MFHAS1: variants seen among roughly 807,000 people sequenced by gnomAD.
The protein encoded by MFHAS1 is malignant fibrous histiocytoma-amplified sequence 1.
MFHAS1 carries 50 observed loss-of-function variants against 70.4 expected under a neutral mutation model. The observed-to-expected ratio is 0.71, with a 90% CI of 0.57 to 0.90. The LOEUF is 0.90. MFHAS1 is among the 40% of genes least tolerant of loss of function. MFHAS1 has a pLI of 0.00. For missense variants in MFHAS1, 1,795 were observed against 1,347.6 expected (o/e 1.33, Z -5.20); for synonymous variants, 952 against 620.0 (o/e 1.54, Z -7.96).
chr8:8,805,631 G>A (rs13278030), intron 1 of MFHAS1, among the ~76,000 whole-genome samples: 138 of 152,246 alleles, frequency 9.1e-4, no homozygotes, highest in African/African-American at 3.2e-3. Flanking sequence ...GTTCAAACTC[G>A]TGTGTGTTCA....
At chr8:8,799,495 C>CCT (rs1806013901) in intron 1 of MFHAS1, among the ~76,000 whole-genome samples, 3 of 152,210 alleles carry the variant, frequency 2.0e-5, no homozygotes, top group Non-Finnish European at 2.9e-5. Context: ...GTGGTTCATG[C>CCT]CTCTAATCCC....
chr8:8,858,864 TAAC>T lies in MFHAS1; in HGVS notation c.2998+31194_2998+31196del, dbSNP rs536527457. 4.7e-3 allele frequency among the ~76,000 whole-genome samples: 716 copies of T among 152,218 alleles called. 6 individuals carry two copies. The highest frequency in any genetic ancestry group is 0.017 in the African/African-American group (697 of 41,546). ...GAAATAAACAAAGTGAAAATATCCG[TAAC>T]AACAAGGATAAAGCATTCTCAGTCA... is the stretch of plus-strand genomic sequence containing the variant. On this transcript the variant is annotated intron_variant, in intron 1 of 2. Transcript: ENST00000276282.
chr8:8,843,035 G>A (rs1465078107), intron 1 of MFHAS1, among the ~76,000 whole-genome samples: 1 of 152,136 alleles, frequency 6.6e-6, no homozygotes, highest in Non-Finnish European at 1.5e-5. Flanking sequence ...GGAGGCCGAG[G>A]CGGGTGGATC....
intron 1 of MFHAS1, among the ~76,000 whole-genome samples, chr8:8,822,726 G>A (rs1462284093): frequency 6.7e-6 from 1 of 150,158 alleles, no homozygotes; most frequent in East Asian, 2.0e-4. Flanking sequence ...CCAAGTCAGG[G>A]AGACTGAGAT....
chr8:8,877,328 G>T lies in MFHAS1; in HGVS notation c.2998+12733C>A, dbSNP rs1003438702. ...AAAAAAAAAAAAAAAAAACTACGGT[G>T]TTCCATTAATGCAAATTTAATAAAA... On this transcript the variant is annotated intron_variant, in intron 1 of 2. Transcript: ENST00000276282. 2.3e-4 allele frequency among the ~76,000 whole-genome samples: 24 copies of T among 103,592 alleles called. No individual in the cohort carries two copies. The South Asian group carries it at 7.7e-3, about 33-fold the overall frequency. 68.0% of individuals were successfully genotyped at this position (103,592 alleles called of 152,430 possible). A position where few individuals can be genotyped will look rare whatever the true frequency, so the allele number is the denominator to read the frequency against.
intron 1 of MFHAS1, among the ~76,000 whole-genome samples, chr8:8,877,301 C>CAA (rs3989409): frequency 1.6e-5 from 1 of 63,798 alleles, no homozygotes; most frequent in African/African-American, 5.2e-5. Flanking sequence ...GACCCTGCCT[C>CAA]AAAAAAAAAA....
intron 1 of MFHAS1, among the ~76,000 whole-genome samples, chr8:8,878,453 A>G (rs1809380062): frequency 6.6e-6 from 1 of 152,210 alleles, no homozygotes; most frequent in African/African-American, 2.4e-5. Context: ...CTGCAACATG[A>G]GAAAACGTCA....
chr8:8,867,747 C>T (rs1356259311), intron 1 of MFHAS1, among the ~76,000 whole-genome samples: 2 of 151,946 alleles, frequency 1.3e-5, no homozygotes, highest in Admixed American at 1.3e-4. Flanking sequence ...TTACTAGAGA[C>T]GGGGTTTCAC....
chr8:8,855,246 C>G (rs1808393727), intron 1 of MFHAS1, among the ~76,000 whole-genome samples: 1 of 152,228 alleles, frequency 6.6e-6, no homozygotes, highest in African/African-American at 2.4e-5. Flanking sequence ...AGCCACCACA[C>G]TCAGCCGACA....
chr8:8,887,314 T>G (rs1170409047), intron 1 of MFHAS1, among the ~76,000 whole-genome samples: 1 of 152,190 alleles, frequency 6.6e-6, no homozygotes, highest in Non-Finnish European at 1.5e-5. Flanking sequence ...AACTCATTAT[T>G]TTAACTTTTA....
At chr8:8,834,486 T>C (rs1807526934) in intron 1 of MFHAS1, among the ~76,000 whole-genome samples, 1 of 152,236 alleles carries the variant, frequency 6.6e-6, no homozygotes, top group African/African-American at 2.4e-5. Context: ...TACTGTATTT[T>C]GACAGTACCT....
intron 1 of MFHAS1, among the ~76,000 whole-genome samples, chr8:8,861,073 A>C (rs1808642039): frequency 6.6e-6 from 1 of 152,236 alleles, no homozygotes; most frequent in Non-Finnish European, 1.5e-5. Flanking sequence ...TCTTGGGCTG[A>C]GGTAATATCA....
At chr8:8,842,745 C>T (rs1807879609) in intron 1 of MFHAS1, among the ~76,000 whole-genome samples, 1 of 152,096 alleles carries the variant, frequency 6.6e-6, no homozygotes, top group South Asian at 2.1e-4. Context: ...CACGTTAAAG[C>T]TAGAGAAGCA....
In MFHAS1 at chr8:8,797,445, A is replaced by G. The variant is rs1255733796; in HGVS notation, c.3045T>C (p.Ile1015=). The change falls in exon 2 of 3, where the codon ATT becomes ATC. Residue 1015 remains isoleucine (I), a synonymous_variant. Coordinates refer to ENST00000276282, the MANE Select transcript of MFHAS1 (RefSeq NM_004225.3). The stretch of plus-strand genomic sequence containing the variant: ...CTCGCTCGCTGCCGTTCTTGGGGCA[A>G]ATGATCTCTGCCACTCCTTCCGGTC... The part of the protein sequence containing the change: ...QPRPEGVAEI[I]CPKNGSERVN... The G allele has an allele frequency of 6.2e-7, 1 of 1,614,094 alleles. No individual in the cohort carries two copies. Among genetic ancestry groups the G allele is most frequent in the Admixed American group, 1.7e-5 (1 of 60,014 alleles).
chr8:8,878,935 G>A (rs956898153), intron 1 of MFHAS1, among the ~76,000 whole-genome samples: 5 of 152,136 alleles, frequency 3.3e-5, no homozygotes, highest in Admixed American at 2.0e-4. Flanking sequence ...TTATTATGAT[G>A]ATATGCACTT....
rs533675225 is a variant in MFHAS1 at position 8,808,280 on chromosome 8, C to G, written c.2999-10789G>C. 3.9e-4 allele frequency among the ~76,000 whole-genome samples: 59 copies of G among 151,672 alleles called. 5 individuals carry two copies. In the East Asian group the frequency reaches 0.011, roughly 28 times the overall value. ...TGTAGACGCTCCCCTGGGAACCCTC[C>G]TCTGCCCAGTGTCCCCACACTGTAG... is the stretch of plus-strand genomic sequence containing the variant. On this transcript the variant is annotated intron_variant, in intron 1 of 2. Transcript: ENST00000276282.
chr8:8,814,576 C>T (rs1585030431), intron 1 of MFHAS1, among the ~76,000 whole-genome samples: 2 of 152,070 alleles, frequency 1.3e-5, no homozygotes, highest in Non-Finnish European at 2.9e-5. Flanking sequence ...TAAGCTCTTC[C>T]AAAAATGCTG....
Position 8,848,100 on chromosome 8 carries a change from G to C in MFHAS1, c.2998+41961C>G, listed in dbSNP as rs568451930. ...ACTGCTGGGACAATCATCTGGGACG[G>C]CTGCTTTCCACCCAGCCCGCCCAGG... On this transcript the variant is annotated intron_variant, in intron 1 of 2. Transcript: ENST00000276282. 1.8e-3 allele frequency among the ~76,000 whole-genome samples: 271 copies of C among 152,308 alleles called. 3 individuals carry two copies. Among genetic ancestry groups the C allele is most frequent in the African/African-American group, 6.4e-3 (267 of 41,572 alleles).
At position 8,893,023 on chromosome 8, in the gene MFHAS1, C is replaced by A. The variant is rs1422896093; in HGVS notation, c.36G>T (p.Ala12=). ...AGMDSGNLKT[A]RLWRDAALRA... Reference sequence around the variant, plus strand: ...GCAGGGCGGCGTCCCGCCACAGCCTCGCGGTCTTCAGGTTGCCACTGTCCA... The same window carrying A: ...GCAGGGCGGCGTCCCGCCACAGCCTAGCGGTCTTCAGGTTGCCACTGTCCA... Residue 12 remains alanine (A), a synonymous_variant, in exon 1 of 3, where the codon GCG becomes GCT. Coordinates refer to ENST00000276282, the MANE Select transcript of MFHAS1 (RefSeq NM_004225.3). 1 of 1,536,918 alleles carries A rather than the reference C, an allele frequency of 6.5e-7. No individual in the cohort carries two copies. The highest frequency in any genetic ancestry group is 8.7e-7 in the Non-Finnish European group (1 of 1,145,682).
Sources: gnomAD v4.1 joint callset for allele counts (sites outside exome capture counted in the v4.1 genomes callset) on GRCh38, gnomAD v4.1.1 for gene constraint, MANE v1.5 for transcripts, NCBI Gene and HGNC (gene_info 2026-07-23, HGNC 2026-07-21) for gene names.